GTF2I: variants seen among roughly 807,000 people sequenced by gnomAD.
The protein encoded by GTF2I is general transcription factor IIi.
A neutral mutation model predicts 67.6 loss-of-function variants in GTF2I; 12 were observed. The ratio of observed to expected loss-of-function variants is 0.18; its 90% CI spans 0.11 to 0.29. GTF2I has a LOEUF of 0.29. Among genes scored for constraint, GTF2I ranks in the 10% least tolerant of loss-of-function variants. The probability of loss-of-function intolerance (pLI) is 1.00; values close to 1 mark genes in which losing one functional copy is unlikely to be tolerated. For missense variants in GTF2I, 271 were observed against 580.1 expected, an observed-to-expected ratio of 0.47 and a Z score of 5.47; for synonymous variants, 149 against 197.0, an observed-to-expected ratio of 0.76 and a Z score of 2.04.
At chr7:74,690,774 G>A (rs1788215706) in intron 2 of GTF2I, among the ~76,000 whole-genome samples, 199 bp from the exon 3 acceptor site, 1 of 151,992 alleles carries the variant, frequency 6.6e-6, no homozygotes, top group Non-Finnish European at 1.5e-5. Flanking sequence ...TGGAGAATCT[G>A]ACCTATAAGA....
At chr7:74,699,281 G>A (rs1554399272) in intron 4 of GTF2I, among the ~76,000 whole-genome samples, 186 bp downstream of exon 4, 3 of 151,668 alleles carry the variant, frequency 2.0e-5, no homozygotes, top group African/African-American at 7.3e-5. Flanking sequence ...GGCCAGTAGA[G>A]CTGTTTCTTT....
At position 74,704,532 on chromosome 7, in the gene GTF2I, A is replaced by G. The variant is rs587671368; in HGVS notation, c.587-632A>G. Among the ~76,000 whole-genome samples the G allele has an allele frequency of 9.9e-5, 15 of 152,162 alleles. No homozygotes were observed. In the East Asian group the frequency reaches 2.1e-3, roughly 22 times the overall value. On this transcript the variant is annotated intron_variant, in intron 6 of 34. Coordinates refer to ENST00000573035, the MANE Select transcript of GTF2I (RefSeq NM_032999.4). ...GGTCTCAAACCCCTGACCTCAAGCA[A>G]TCTACCCATCTCAGCCTCCCAAAGT... is the stretch of plus-strand genomic sequence containing the variant.
intron 3 of GTF2I, among the ~76,000 whole-genome samples, chr7:74,698,243 C>G (rs933380618): frequency 4.6e-5 from 7 of 152,094 alleles, no homozygotes; most frequent in Non-Finnish European, 7.4e-5. Context: ...GCGTGAGCCA[C>G]CGCGCCCGGC....
intron 1 of GTF2I, among the ~76,000 whole-genome samples, chr7:74,661,048 T>C (rs1804440454): frequency 6.6e-6 from 1 of 152,206 alleles, no homozygotes; most frequent in Admixed American, 6.6e-5. Context: ...TTCTATTCTA[T>C]AGAGCGGAAC....
At position 74,731,090 on chromosome 7, in the gene GTF2I, C is replaced by T. The variant is rs1172047444; in HGVS notation, c.1120+796C>T. Among the ~76,000 whole-genome samples the T allele has an allele frequency of 2.6e-5, 4 of 150,984 alleles. No individual in the cohort carries two copies. The South Asian group carries it at 8.4e-4, about 32-fold the overall frequency. ...CTTTTACTATTCTGTCCTATAGCCA[C>T]CTTTATATAATGATCAAAGAAATTC... On this transcript the variant is annotated intron_variant, in intron 14 of 34. Coordinates refer to ENST00000573035, the MANE Select transcript of GTF2I (RefSeq NM_032999.4).
At chr7:74,683,492 T>A (rs587639731) in intron 1 of GTF2I, among the ~76,000 whole-genome samples, 22 of 152,302 alleles carry the variant, frequency 1.4e-4, no homozygotes, top group African/African-American at 5.1e-4. Flanking sequence ...ATGAGCAAAT[T>A]ATGTCATAAA....
intron 8 of GTF2I, among the ~76,000 whole-genome samples, chr7:74,707,029 T>C (rs1237734666): frequency 1.3e-5 from 2 of 152,162 alleles, no homozygotes; most frequent in African/African-American, 4.8e-5. Context: ...TTTGTATTTT[T>C]AGTAGCGACG....
intron 1 of GTF2I, chr7:74,687,659 G>C (rs1787857558): frequency 3.9e-6 from 2 of 514,854 alleles, no homozygotes; most frequent in South Asian, 8.4e-5. Flanking sequence ...TAGGGAAATA[G>C]AGCATCCTCT....
At chr7:74,685,766 TAA>T (rs1222422722) in intron 1 of GTF2I, among the ~76,000 whole-genome samples, 1 of 148,330 alleles carries the variant, frequency 6.7e-6, no homozygotes, top group Non-Finnish European at 1.5e-5. Flanking sequence ...GACTCCGTCT[TAA>T]AAAAAGAAAA....
chr7:74,703,683 A>G (rs182920672), intron 6 of GTF2I, among the ~76,000 whole-genome samples: 1 of 152,278 alleles, frequency 6.6e-6, no homozygotes, highest in Admixed American at 6.5e-5. Context: ...CCTGGCCCTC[A>G]CTTAAGCTTT....
intron 12 of GTF2I, among the ~76,000 whole-genome samples, chr7:74,726,154 A>G (rs1793749268): frequency 6.6e-6 from 1 of 152,188 alleles, no homozygotes; most frequent in Non-Finnish European, 1.5e-5. Flanking sequence ...ATGATCTATA[A>G]GGATACTTAG....
chr7:74,700,058 C>T, intron 4 of GTF2I, 189 bp from the exon 5 acceptor site: 1 of 572,512 alleles, frequency 1.7e-6, no homozygotes, highest in Non-Finnish European at 3.0e-6. Flanking sequence ...CATTTTGGCC[C>T]TTCGGATCAG....
At chr7:74,708,043 T>C (rs1357344487) in intron 8 of GTF2I, among the ~76,000 whole-genome samples, 1 of 152,152 alleles carries the variant, frequency 6.6e-6, no homozygotes, top group Non-Finnish European at 1.5e-5. Context: ...CTCACACCTG[T>C]AATCCCAGCA....
At chr7:74,703,637 C>T (rs1790145518) in intron 6 of GTF2I, among the ~76,000 whole-genome samples, 1 of 152,224 alleles carries the variant, frequency 6.6e-6, no homozygotes, top group African/African-American at 2.4e-5. Flanking sequence ...GCCTCAGCCT[C>T]CCAGAGTGCT....
chr7:74,682,623 A>G (rs1002400949), intron 1 of GTF2I, among the ~76,000 whole-genome samples: 4 of 152,194 alleles, frequency 2.6e-5, no homozygotes, highest in African/African-American at 9.7e-5. Flanking sequence ...CCTAGGCTTA[A>G]GATTATAAGT....
intron 10 of GTF2I, among the ~76,000 whole-genome samples, chr7:74,715,243 T>C (rs1554403408): frequency 6.6e-6 from 1 of 152,070 alleles, no homozygotes; most frequent in African/African-American, 2.4e-5. Context: ...GATGCAAATA[T>C]TGATAAGGTC....
At chr7:74,691,700 C>T (rs1044955692) in intron 3 of GTF2I, among the ~76,000 whole-genome samples, 37 of 152,020 alleles carry the variant, frequency 2.4e-4, no homozygotes, top group African/African-American at 8.9e-4. Context: ...TAATGAGATG[C>T]ATTAGAGAGA....
intron 1 of GTF2I, among the ~76,000 whole-genome samples, chr7:74,668,419 T>C (rs1805179192): frequency 6.6e-6 from 1 of 151,724 alleles, no homozygotes; most frequent in African/African-American, 2.4e-5. Context: ...GATGAAGAGT[T>C]TGATCCATAA....
rs782801713 is a variant in GTF2I at position 74,743,526 on chromosome 7, TA to T, written c.1750+10del. On this transcript the variant is annotated splice_region_variant and intron_variant, in intron 20 of 34. Coordinates refer to ENST00000573035, the MANE Select transcript of GTF2I (RefSeq NM_032999.4). ...GATTTTTAATTTGAAATTTGGTAAG[TA>T]AAAGCCAGTATTTATGTCTTTAATA... The T allele has an allele frequency of 6.8e-5, 32 of 467,662 alleles. No homozygotes were observed. The East Asian group carries it at 1.4e-3, about 21-fold the overall frequency. 29.0% of individuals were successfully genotyped at this position (467,662 alleles called of 1,614,324 possible). A position where few individuals can be genotyped will look rare whatever the true frequency, so the allele number is the denominator to read the frequency against.
Sources: allele counts gnomAD v4.1 joint callset (sites outside exome capture counted in the v4.1 genomes callset), GRCh38; gene constraint gnomAD v4.1.1; transcripts MANE v1.5; gene names NCBI Gene and HGNC (gene_info 2026-07-23, HGNC 2026-07-21).